LPP: variants seen among roughly 807,000 people sequenced by gnomAD.
The protein encoded by LPP is LIM domain containing preferred translocation partner in lipoma.
In LPP, 38 loss-of-function variants were observed where a neutral mutation model predicts 60.4. That is an observed-to-expected ratio of 0.63 (90% confidence interval 0.49 to 0.83). The LOEUF is 0.83. Among genes scored for constraint, LPP ranks in the 40% least tolerant of loss-of-function variants. The probability of loss-of-function intolerance (pLI) is 0.00; values close to 1 mark genes in which losing one functional copy is unlikely to be tolerated. For missense variants in LPP, 902 were observed against 783.6 expected (o/e 1.15, Z -1.80); for synonymous variants, 328 against 290.8 (o/e 1.13, Z -1.30).
At chr3:188,810,690 C>A (rs1271916838) in intron 9 of LPP, among the ~76,000 whole-genome samples, 1 of 152,082 alleles carries the variant, frequency 6.6e-6, no homozygotes, top group Non-Finnish European at 1.5e-5. Context: ...TGGAAGGTAT[C>A]TTCCACGGAT....
intron 5 of LPP, among the ~76,000 whole-genome samples, chr3:188,503,687 TA>T (rs1477156749): frequency 2.0e-5 from 3 of 152,054 alleles, no homozygotes; most frequent in Non-Finnish European, 4.4e-5. Flanking sequence ...TTCTCACTTT[TA>T]AAATAAAATT....
At chr3:188,297,326 C>T (rs955365746) in intron 2 of LPP, among the ~76,000 whole-genome samples, 3 of 152,154 alleles carry the variant, frequency 2.0e-5, no homozygotes, top group African/African-American at 7.2e-5. Flanking sequence ...AAATTTCAGA[C>T]TCCTTCCCTC....
At chr3:188,431,115 A>C (rs1790784816) in intron 4 of LPP, among the ~76,000 whole-genome samples, 2 of 152,118 alleles carry the variant, frequency 1.3e-5, no homozygotes, top group African/African-American at 4.8e-5. Context: ...ACCTGCGTGA[A>C]ATGGTTGTCA....
chr3:188,527,222 C>T lies in LPP; in HGVS notation c.429+2435C>T, dbSNP rs1425010632. Among the ~76,000 whole-genome samples the T allele has an allele frequency of 1.2e-4, 18 of 151,822 alleles. 1 individual carries two copies. Among genetic ancestry groups the T allele is most frequent in the East Asian group, 1.2e-3 (6 of 5,144 alleles). On this transcript the variant is annotated intron_variant, in intron 6 of 11. Transcript: ENST00000617246. ...AAAAATAGCTGTGCGTGGTGGCGCC[C>T]GCCTGTAATCCCAGCTATTCGGGAG...
At chr3:188,261,420 G>A (rs1345889697) in intron 2 of LPP, among the ~76,000 whole-genome samples, 5 of 152,132 alleles carry the variant, frequency 3.3e-5, no homozygotes, top group East Asian at 3.9e-4. Context: ...TACAATTTAC[G>A]TAAATTACTG....
At chr3:188,229,886 A>G (rs781187381) in intron 2 of LPP, among the ~76,000 whole-genome samples, 3 of 152,074 alleles carry the variant, frequency 2.0e-5, no homozygotes, top group Non-Finnish European at 4.4e-5. Context: ...ATGGGTAGAG[A>G]GACCTTTGTA....
intron 6 of LPP, among the ~76,000 whole-genome samples, chr3:188,545,646 G>A (rs1231940636): frequency 6.6e-6 from 1 of 152,114 alleles, no homozygotes; most frequent in East Asian, 1.9e-4. Context: ...TGCGACTAGA[G>A]TTGTGTGTCA....
At chr3:188,202,739 G>C (rs1393416866) in intron 1 of LPP, among the ~76,000 whole-genome samples, 1 of 152,144 alleles carries the variant, frequency 6.6e-6, no homozygotes, top group Non-Finnish European at 1.5e-5. Context: ...TTCGAGGTTG[G>C]GAGAGGAAGC....
intron 1 of LPP, among the ~76,000 whole-genome samples, chr3:188,219,482 A>G (rs1714980526): frequency 6.6e-6 from 1 of 152,074 alleles, no homozygotes; most frequent in African/African-American, 2.4e-5. Context: ...GTCTTTCTGT[A>G]TATTGACCTG....
intron 1 of LPP, chr3:188,178,575 C>G (rs1171057401): frequency 6.6e-6 from 1 of 152,240 alleles, no homozygotes; most frequent in East Asian, 1.9e-4. Flanking sequence ...CAATCATTTA[C>G]CTTTATGGTT....
chr3:188,751,428 G>A (rs539977765), intron 8 of LPP, among the ~76,000 whole-genome samples: 3 of 152,144 alleles, frequency 2.0e-5, no homozygotes, highest in Non-Finnish European at 4.4e-5. Flanking sequence ...TAGAAGACTG[G>A]TTAAAAAATT....
chr3:188,450,318 T>C (rs1796285152), intron 4 of LPP, among the ~76,000 whole-genome samples: 3 of 152,208 alleles, frequency 2.0e-5, no homozygotes, highest in Admixed American at 2.0e-4. Context: ...AGGCATAGAA[T>C]TGTCAGGACC....
At chr3:188,483,231 T>C (rs1230614307) in intron 4 of LPP, among the ~76,000 whole-genome samples, 2 of 152,150 alleles carry the variant, frequency 1.3e-5, no homozygotes, top group African/African-American at 2.4e-5. Flanking sequence ...AGACTGTTAT[T>C]TATAAGGCAA....
chr3:188,487,487 A>C (rs1163493973), intron 5 of LPP, among the ~76,000 whole-genome samples: 1 of 152,216 alleles, frequency 6.6e-6, no homozygotes, highest in African/African-American at 2.4e-5. Context: ...ATGTTGGCTT[A>C]AGTTCTCTGT....
intron 2 of LPP, among the ~76,000 whole-genome samples, chr3:188,250,510 G>A (rs1246294198): frequency 1.3e-5 from 2 of 152,174 alleles, no homozygotes; most frequent in African/African-American, 4.8e-5. Flanking sequence ...TCCATGGGGA[G>A]ACACTTTATT....
chr3:188,438,733 C>G (rs1793003042), intron 4 of LPP, among the ~76,000 whole-genome samples: 1 of 152,134 alleles, frequency 6.6e-6, no homozygotes, highest in Admixed American at 6.5e-5. Flanking sequence ...GCCTTAATGT[C>G]ACTATAACGT....
At chr3:188,362,975 T>C (rs1769951582) in intron 3 of LPP, among the ~76,000 whole-genome samples, 1 of 152,214 alleles carries the variant, frequency 6.6e-6, no homozygotes, top group Admixed American at 6.5e-5. Context: ...GGCTCAAATT[T>C]TGTTTGAGAC....
intron 2 of LPP, among the ~76,000 whole-genome samples, chr3:188,245,572 A>G (rs1560151636): frequency 6.6e-6 from 1 of 152,082 alleles, no homozygotes; most frequent in Non-Finnish European, 1.5e-5. Context: ...GGTACCTTAT[A>G]TGATAATGTC....
intron 3 of LPP, among the ~76,000 whole-genome samples, chr3:188,363,298 A>G (rs993854040): frequency 3.9e-5 from 6 of 152,322 alleles, no homozygotes; most frequent in African/African-American, 1.4e-4. Context: ...AGGTACCATC[A>G]GCATTTCAAA....
Sources: gnomAD v4.1 joint callset for allele counts (sites outside exome capture counted in the v4.1 genomes callset) on GRCh38, gnomAD v4.1.1 for gene constraint, MANE v1.5 for transcripts, NCBI Gene and HGNC (gene_info 2026-07-23, HGNC 2026-07-21) for gene names.